Variants in RNF220 observed in about 807,000 individuals in gnomAD.
RNF220 encodes the protein ring finger protein 220.
A neutral mutation model predicts 67.1 loss-of-function variants in RNF220; 7 were observed. The observed-to-expected ratio is 0.10, with a 90% CI of 0.06 to 0.20. RNF220 has a LOEUF of 0.20. RNF220 is among the 10% of genes least tolerant of loss of function. RNF220 has a pLI of 1.00. For missense variants in RNF220, 565 were observed against 740.3 expected (o/e 0.76, Z 2.75); for synonymous variants, 270 against 283.2 (o/e 0.95, Z 0.47).
intron 5 of RNF220, 33 bp from the exon 6 acceptor site, chr1:44,632,310 C>T (rs747440502): frequency 1.9e-6 from 3 of 1,614,092 alleles, no homozygotes; most frequent in Admixed American, 3.3e-5. Context: ...GCTCTCTTTT[C>T]TTTTCTTGCA....
intron 2 of RNF220, among the ~76,000 whole-genome samples, chr1:44,481,785 G>C (rs1016998981): frequency 4.6e-5 from 7 of 152,344 alleles, no homozygotes; most frequent in African/African-American, 1.7e-4. Context: ...CAGTGCATGT[G>C]TGTGTGTGCT....
chr1:44,577,723 T>G (rs1558059426), intron 2 of RNF220, among the ~76,000 whole-genome samples: 1 of 152,126 alleles, frequency 6.6e-6, no homozygotes, highest in Non-Finnish European at 1.5e-5. Context: ...CCCAGCACTG[T>G]GGGAGGCCGA....
chr1:44,451,272 A>G (rs954260235), intron 2 of RNF220, among the ~76,000 whole-genome samples: 1 of 152,194 alleles, frequency 6.6e-6, no homozygotes, highest in African/African-American at 2.4e-5. Context: ...GAGAATAATC[A>G]TTACACATCT....
At chr1:44,504,000 C>A (rs555003305) in intron 2 of RNF220, among the ~76,000 whole-genome samples, 39 of 152,252 alleles carry the variant, frequency 2.6e-4, no homozygotes, top group African/African-American at 9.4e-4. Context: ...CAGGTGCGTG[C>A]CACCATGCCC....
chr1:44,594,314 C>T (rs1328619950), intron 2 of RNF220, among the ~76,000 whole-genome samples: 1 of 152,130 alleles, frequency 6.6e-6, no homozygotes, highest in South Asian at 2.1e-4. Context: ...CTTTCACTCC[C>T]TCCATCCTAC....
chr1:44,589,648 AAGG>A (rs1472915503), intron 2 of RNF220, among the ~76,000 whole-genome samples: 4 of 151,918 alleles, frequency 2.6e-5, no homozygotes, highest in Admixed American at 2.0e-4. Flanking sequence ...CCACCTCCTA[AAGG>A]TGGAGTCATA....
At chr1:44,489,732 T>C (rs1233080787) in intron 2 of RNF220, among the ~76,000 whole-genome samples, 6 of 152,248 alleles carry the variant, frequency 3.9e-5, no homozygotes, top group Non-Finnish European at 7.3e-5. Context: ...CAGGGAGAAG[T>C]CATCCTTCAA....
chr1:44,618,571 C>T (rs746902246), intron 3 of RNF220, among the ~76,000 whole-genome samples: 1 of 152,200 alleles, frequency 6.6e-6, no homozygotes, highest in Non-Finnish European at 1.5e-5. Flanking sequence ...CCAGGTAGAA[C>T]AAGGAGGGCA....
At chr1:44,631,984 C>T in intron 5 of RNF220, 1 of 1,003,644 alleles carries the variant, frequency 1.0e-6, no homozygotes, top group Admixed American at 6.0e-5. Context: ...AACATGGCCG[C>T]CGCCGCCGCT....
chr1:44,582,756 C>CAA (rs1052505002), intron 2 of RNF220, among the ~76,000 whole-genome samples: 27 of 68,558 alleles, frequency 3.9e-4, no homozygotes, highest in African/African-American at 1.1e-3. Flanking sequence ...GACTACATCT[C>CAA]AAAAAAAAAA....
chr1:44,468,551 A>G (rs1264587343), intron 2 of RNF220, among the ~76,000 whole-genome samples: 1 of 152,186 alleles, frequency 6.6e-6, no homozygotes, highest in Non-Finnish European at 1.5e-5. Flanking sequence ...GCTGGAAAAC[A>G]AGAGTGAAGG....
At chr1:44,419,144 G>C (rs1648934949) in intron 2 of RNF220, among the ~76,000 whole-genome samples, 1 of 152,112 alleles carries the variant, frequency 6.6e-6, no homozygotes, top group Non-Finnish European at 1.5e-5. Context: ...CAGACTTAAG[G>C]ATAATTTATT....
intron 2 of RNF220, among the ~76,000 whole-genome samples, chr1:44,563,283 C>T (rs1213425220): frequency 6.6e-6 from 1 of 150,706 alleles, no homozygotes; most frequent in Non-Finnish European, 1.5e-5. Flanking sequence ...TCTAACTGGT[C>T]TGAGCTGATG....
At chr1:44,535,423 G>A (rs952474984) in intron 2 of RNF220, among the ~76,000 whole-genome samples, 3 of 152,050 alleles carry the variant, frequency 2.0e-5, no homozygotes, top group Admixed American at 6.5e-5. Flanking sequence ...ACAGGCATGA[G>A]CCACCGTGCC....
chr1:44,576,353 A>T (rs1664803865), intron 2 of RNF220, among the ~76,000 whole-genome samples: 1 of 152,148 alleles, frequency 6.6e-6, no homozygotes, highest in Admixed American at 6.5e-5. Context: ...AAGAACAGAG[A>T]TGGAAGCCAT....
chr1:44,564,682 G>A (rs1663844948), intron 2 of RNF220, among the ~76,000 whole-genome samples: 1 of 151,582 alleles, frequency 6.6e-6, no homozygotes, highest in Non-Finnish European at 1.5e-5. Flanking sequence ...GAACCTGGCA[G>A]GCAGAGGTGC....
chr1:44,539,878 C>A (rs1002850108), intron 2 of RNF220, among the ~76,000 whole-genome samples: 1 of 152,158 alleles, frequency 6.6e-6, no homozygotes, highest in Non-Finnish European at 1.5e-5. Flanking sequence ...AAATCTGATT[C>A]TTTGTAAAAT....
At chr1:44,444,310 GT>G (rs996943444) in intron 2 of RNF220, among the ~76,000 whole-genome samples, 28 of 151,250 alleles carry the variant, frequency 1.9e-4, no homozygotes, top group Non-Finnish European at 2.7e-4. Context: ...GAGAGATCAT[GT>G]TTTTTTTTGT....
chr1:44,480,233 A>G (rs980435061), intron 2 of RNF220, among the ~76,000 whole-genome samples: 10 of 151,268 alleles, frequency 6.6e-5, no homozygotes, highest in Non-Finnish European at 1.2e-4. Context: ...GTGATATGCC[A>G]TTTCTACTAA....
Sources: gnomAD v4.1 joint callset for allele counts (sites outside exome capture counted in the v4.1 genomes callset) on GRCh38, gnomAD v4.1.1 for gene constraint, MANE v1.5 for transcripts, NCBI Gene and HGNC (gene_info 2026-07-23, HGNC 2026-07-21) for gene names.